The following NWD1 variants were observed in gnomAD, a reference collection of about 807,000 sequenced individuals.
NWD1 encodes the protein NACHT and WD repeat domain containing 1.
A neutral mutation model predicts 135.1 loss-of-function variants in NWD1; 129 were observed. The ratio of observed to expected loss-of-function variants is 0.96; its 90% CI spans 0.83 to 1.11. The LOEUF (loss-of-function observed/expected upper bound fraction) is 1.11. Among genes scored for constraint, NWD1 ranks in the 50% least tolerant of loss-of-function variants. NWD1 has a pLI of 0.00. For synonymous variants in NWD1, 773 were observed against 786.0 expected, an observed-to-expected ratio of 0.98 and a Z score of 0.28; for missense variants, 1,740 against 1,851.3, an observed-to-expected ratio of 0.94 and a Z score of 1.10.
chr19:16,797,080 T>C (rs1221555554), intron 15 of NWD1, among the ~76,000 whole-genome samples: 5 of 151,186 alleles, frequency 3.3e-5, no homozygotes, highest in Non-Finnish European at 7.4e-5. Flanking sequence ...CTCAGGAAGC[T>C]GAGGCAGGAG....
At position 16,808,148 on chromosome 19, in the gene NWD1, G is replaced by T; in HGVS notation, c.4287+12G>T. 2 of 1,610,084 alleles carry T rather than the reference G, an allele frequency of 1.2e-6. No homozygotes were observed. Among genetic ancestry groups the T allele is most frequent in the Non-Finnish European group, 1.7e-6 (2 of 1,177,906 alleles). On this transcript the variant is annotated intron_variant, in intron 18 of 18. Transcript: ENST00000524140. ...AGATGAGCTACACGGTGGGTGGCCCGCCTCCCCATGTTCATGCTAGACCCA... is the reference window on the plus strand; with the variant it reads ...AGATGAGCTACACGGTGGGTGGCCCTCCTCCCCATGTTCATGCTAGACCCA...
chr19:16,731,347 G>A lies in NWD1; in HGVS notation c.81+69G>A, dbSNP rs867451945. ...TTTGACACGTAGTTCTTGCTCTGTC[G>A]CCAGGCTGGAGTGCAGTGGTGCGAT... On this transcript the variant is annotated intron_variant, in intron 3 of 18. Transcript: ENST00000524140. 55 of 966,892 alleles carry A rather than the reference G, an allele frequency of 5.7e-5. No homozygotes were observed. The Middle Eastern group carries it at 7.2e-4, about 13-fold the overall frequency. The allele number at this position is 966,892 out of a possible 1,614,324, so 59.9% of individuals were successfully genotyped here.
At chr19:16,774,191 A>G (rs560011150) in intron 11 of NWD1, among the ~76,000 whole-genome samples, 16 of 144,746 alleles carry the variant, frequency 1.1e-4, no homozygotes, top group Admixed American at 5.5e-4. Context: ...CCATCCATCT[A>G]TCCTCCCACC....
At chr19:16,783,928 G>A (rs1003866709) in intron 12 of NWD1, among the ~76,000 whole-genome samples, 1 of 152,032 alleles carries the variant, frequency 6.6e-6, no homozygotes, top group Admixed American at 6.6e-5. Flanking sequence ...ATATACAGGA[G>A]TGGCCGGGCA....
At chr19:16,790,638 A>AAAATAAAT (rs1555730370) in intron 13 of NWD1, among the ~76,000 whole-genome samples, 1 of 56,938 alleles carries the variant, frequency 1.8e-5, no homozygotes, top group Non-Finnish European at 4.4e-5. Context: ...ACATTAAAAA[A>AAAATAAAT]AAATAAATAA....
At position 16,749,419 on chromosome 19, in the gene NWD1, C is replaced by A. The variant is rs746353201; in HGVS notation, c.777C>A (p.Ala259=). The A allele has an allele frequency of 6.2e-7, 1 of 1,613,976 alleles. No individual in the cohort carries two copies. Among genetic ancestry groups the A allele is most frequent in the Admixed American group, 1.7e-5 (1 of 60,010 alleles). The change falls in exon 6 of 19, where the codon GCC becomes GCA. Residue 259 remains alanine, a synonymous_variant. Transcript: ENST00000524140. ...TGAACCCCAAGAACAAGACTCACGCCTGCTACCTGAAGGAGCTGGGTGAGC... is the reference window on the plus strand; with the variant it reads ...TGAACCCCAAGAACAAGACTCACGCATGCTACCTGAAGGAGCTGGGTGAGC... ...DLVNPKNKTH[A]CYLKELGEQF... is the part of the protein sequence containing the mutation.
intron 4 of NWD1, among the ~76,000 whole-genome samples, chr19:16,738,738 A>T (rs1273844886): frequency 7.1e-6 from 1 of 141,456 alleles, no homozygotes; most frequent in Non-Finnish European, 1.5e-5. Context: ...ATCTATATAT[A>T]ATATATATAT....
At chr19:16,771,254 C>A (rs898518449) in intron 10 of NWD1, among the ~76,000 whole-genome samples, 1 of 152,150 alleles carries the variant, frequency 6.6e-6, no homozygotes, top group Non-Finnish European at 1.5e-5. Flanking sequence ...GAGTTTGAGA[C>A]CAGCCTTGGT....
At chr19:16,764,027 G>C (rs750602579) in intron 9 of NWD1, 82 bp downstream of exon 9, 6 of 838,972 alleles carry the variant, frequency 7.2e-6, no homozygotes, top group Admixed American at 2.0e-5. Flanking sequence ...GGAGGGTGAA[G>C]GGCAAACATG....
chr19:16,797,389 G>C (rs1970452393), intron 15 of NWD1, among the ~76,000 whole-genome samples: 2 of 147,670 alleles, frequency 1.4e-5, no homozygotes, highest in South Asian at 4.3e-4. Context: ...GGAGTGTAGT[G>C]GTGCAATCTC....
chr19:16,755,544 A>G (rs542690847), intron 6 of NWD1, among the ~76,000 whole-genome samples: 1 of 151,912 alleles, frequency 6.6e-6, no homozygotes, highest in South Asian at 2.1e-4. Context: ...GTGCACCACC[A>G]TGCCTGGCTA....
chr19:16,745,590 A>C (rs996858461), intron 5 of NWD1, among the ~76,000 whole-genome samples: 2 of 151,906 alleles, frequency 1.3e-5, no homozygotes, highest in Non-Finnish European at 2.9e-5. Flanking sequence ...ACTTTTAAAA[A>C]TTTGCCAAAT....
At chr19:16,752,470 AC>A (rs1469225357) in intron 6 of NWD1, among the ~76,000 whole-genome samples, 2 of 151,938 alleles carry the variant, frequency 1.3e-5, no homozygotes, top group Non-Finnish European at 2.9e-5. Flanking sequence ...AGCCTAGACA[AC>A]AGAGTGAGGC....
At chr19:16,778,755 CACCT>C (rs1335970266) in intron 11 of NWD1, among the ~76,000 whole-genome samples, 2 of 152,162 alleles carry the variant, frequency 1.3e-5, no homozygotes, top group African/African-American at 4.8e-5. Flanking sequence ...GTGATCCGCC[CACCT>C]CGGCCTCCCA....
chr19:16,766,175 A>C (rs1206455328), intron 10 of NWD1, among the ~76,000 whole-genome samples: 1 of 152,176 alleles, frequency 6.6e-6, no homozygotes, highest in Non-Finnish European at 1.5e-5. Context: ...ATAATAACTG[A>C]GTACAAAACT....
At chr19:16,751,711 GA>G (rs1473911407) in intron 6 of NWD1, among the ~76,000 whole-genome samples, 6 of 151,672 alleles carry the variant, frequency 4.0e-5, no homozygotes, top group African/African-American at 1.2e-4. Flanking sequence ...TGAGGCAGGA[GA>G]ATCACTTGAA....
intron 10 of NWD1, among the ~76,000 whole-genome samples, chr19:16,768,308 C>T (rs1306157485): frequency 7.2e-6 from 1 of 139,070 alleles, no homozygotes; most frequent in Non-Finnish European, 1.5e-5. Context: ...GAATTTCCTT[C>T]CTTTTCAAGG....
chr19:16,777,111 A>C (rs563106520), intron 11 of NWD1, among the ~76,000 whole-genome samples: 2 of 7,610 alleles, frequency 2.6e-4, no homozygotes, highest in African/African-American at 1.4e-3. Context: ...AAAGGGGAAG[A>C]AAGGGAAGGG....
Position 16,814,986 on chromosome 19 carries a change from A to G in NWD1, c.4288-42A>G, listed in dbSNP as rs978093363. On this transcript the variant is annotated intron_variant, in intron 18 of 18. Transcript: ENST00000524140. ...GGAATGTGTAGGATTGGACCTCTAC[A>G]CCCCATTTTTCTCATTTGTGTCCTT... is the stretch of plus-strand genomic sequence containing the variant. 1.9e-6 allele frequency: 3 copies of G among 1,592,098 alleles called. No homozygotes were observed. The African/African-American group carries it at 4.0e-5, about 21-fold the overall frequency.
Sources: allele counts gnomAD v4.1 joint callset (sites outside exome capture counted in the v4.1 genomes callset), GRCh38; gene constraint gnomAD v4.1.1; transcripts MANE v1.5; gene names NCBI Gene and HGNC (gene_info 2026-07-23, HGNC 2026-07-21).